Variants in UPF3A observed in about 807,000 individuals in gnomAD.
The protein encoded by UPF3A is regulator of nonsense transcripts 3A.
In UPF3A, 42 loss-of-function variants were observed where a neutral mutation model predicts 53.5. The observed-to-expected ratio is 0.78, with a 90% CI of 0.61 to 1.01. UPF3A has a LOEUF of 1.01. Among genes scored for constraint, UPF3A ranks in the 50% least tolerant of loss-of-function variants. UPF3A has a pLI of 0.00. For synonymous variants in UPF3A, 237 were observed against 225.3 expected, an observed-to-expected ratio of 1.05 and a Z score of -0.47; for missense variants, 575 against 598.0, an observed-to-expected ratio of 0.96 and a Z score of 0.40.
Position 114,303,750 on chromosome 13 carries a change from C to T in UPF3A, c.1303-1039C>T, listed in dbSNP as rs142803029. On this transcript the variant is annotated intron_variant, in intron 9 of 9. Transcript: ENST00000375299. ...GCAGCGAGCCCAGATTGCGCCATTG[C>T]ACTCCAGCCTAGGCAACAAGAGTGT... 7.9e-5 allele frequency among the ~76,000 whole-genome samples: 12 copies of T among 152,276 alleles called. No homozygotes were observed. The East Asian group carries it at 2.3e-3, about 29-fold the overall frequency.
chr13:114,293,070 TCAAAAAAAAAA>T, intron 7 of UPF3A, among the ~76,000 whole-genome samples: 1 of 53,454 alleles, frequency 1.9e-5, no homozygotes, highest in Non-Finnish European at 3.2e-5. Context: ...AGACTCCCTC[TCAAAAAAAAAA>T]AAAAAAAAAA....
In UPF3A at chr13:114,281,666, A is replaced by C; in HGVS notation, c.27A>C (p.Gly9=). MRSEKEGA[G]GLRAAVAARG... ...TGCGCTCGGAAAAGGAGGGGGCCGGAGGCCTTCGGGCGGCCGTTGCCGCGC... is the reference window on the plus strand; with the variant it reads ...TGCGCTCGGAAAAGGAGGGGGCCGGCGGCCTTCGGGCGGCCGTTGCCGCGC... The change falls in exon 1 of 10, where the codon GGA becomes GGC. Residue 9 remains glycine (G), a synonymous_variant. Transcript: ENST00000375299. 7 of 1,523,222 alleles carry C rather than the reference A, an allele frequency of 4.6e-6. No homozygotes were observed. The highest frequency in any genetic ancestry group is 8.8e-7 in the Non-Finnish European group (1 of 1,136,788). The allele number at this position is 1,523,222 out of a possible 1,614,324, so 94.4% of individuals were successfully genotyped here.
intron 5 of UPF3A, among the ~76,000 whole-genome samples, chr13:114,290,880 C>T (rs541346763): frequency 6.6e-5 from 10 of 151,872 alleles, no homozygotes; most frequent in African/African-American, 1.9e-4. Flanking sequence ...ATTATAGGCG[C>T]GTGCCATCAC....
At chr13:114,289,805 C>G (rs971122770) in intron 5 of UPF3A, among the ~76,000 whole-genome samples, 1 of 152,174 alleles carries the variant, frequency 6.6e-6, no homozygotes, top group Non-Finnish European at 1.5e-5. Context: ...TGATAAATAA[C>G]ATACTTTTAT....
rs1392862626 is a variant in UPF3A, at chr13:114,301,810, G to A, written c.1087G>A (p.Val363Met). The A allele has an allele frequency of 6.2e-7, 1 of 1,613,940 alleles. No individual in the cohort carries two copies. Among genetic ancestry groups the A allele is most frequent in the East Asian group, 2.2e-5 (1 of 44,882 alleles). ...AGAATCTGAAGCACAAAGATACCAT[G>A]TGGATGACGGCAGGAGGCACAGAGC... is the stretch of plus-strand genomic sequence containing the variant. ...EQESEAQRYH[V>M]DDGRRHRAHH... Residue 363 changes from valine (V) to methionine (M), a missense_variant, in exon 9 of 10, where the codon GTG becomes ATG. Val to Met is a conservative substitution (Grantham distance 21). Around this residue, in one of 2 missense-constraint regions of UPF3A, gnomAD observed 323 missense variants for 415.2 expected, o/e 0.78. Transcript: ENST00000375299.
In UPF3A at chr13:114,296,350, C is replaced by T. The variant is rs750259983; in HGVS notation, c.847-2490C>T. Among the ~76,000 whole-genome samples the T allele has an allele frequency of 1.3e-5, 2 of 152,074 alleles. 1 individual carries two copies. Among genetic ancestry groups the T allele is most frequent in the Non-Finnish European group, 2.9e-5 (2 of 68,018 alleles). On this transcript the variant is annotated intron_variant, in intron 7 of 9. Coordinates refer to ENST00000375299, the MANE Select transcript of UPF3A (RefSeq NM_023011.4). ...TGAGCCGAGATCGCGTCACTGCAGT[C>T]TAGCTTGGGTGACAGAGCAAGACTC...
chr13:114,301,932 C>T lies in UPF3A; in HGVS notation c.1209C>T (p.Asp403=), dbSNP rs776064998. 2.5e-6 allele frequency: 4 copies of T among 1,610,754 alleles called. No individual in the cohort carries two copies. Among genetic ancestry groups the T allele is most frequent in the Non-Finnish European group, 3.4e-6 (4 of 1,178,482 alleles). Reference sequence around the variant, plus strand: ...ACAGAGGGAAGAAGGGGAGCCAGGACAGCGGGGCTCCGGGGGAGGCCATGG... The same window carrying T: ...ACAGAGGGAAGAAGGGGAGCCAGGATAGCGGGGCTCCGGGGGAGGCCATGG... ...GQDRGKKGSQ[D]SGAPGEAMER... is the part of the protein sequence containing the mutation. The change falls in exon 9 of 10, where the codon GAC becomes GAT. Residue 403 remains aspartate, a synonymous_variant. Coordinates refer to ENST00000375299, the MANE Select transcript of UPF3A (RefSeq NM_023011.4).
chr13:114,287,792 C>G (rs183916507), intron 5 of UPF3A, among the ~76,000 whole-genome samples: 182 of 152,010 alleles, frequency 1.2e-3, no homozygotes, highest in Non-Finnish European at 2.2e-3. Context: ...TGAAATAGTC[C>G]GTTCACTTTC....
chr13:114,291,394 TC>T (rs1467933085), intron 5 of UPF3A, 94 bp from the exon 6 acceptor site: 3 of 1,184,812 alleles, frequency 2.5e-6, no homozygotes, highest in East Asian at 2.7e-5. Context: ...ATGATATGGT[TC>T]CCGTATTTAT....
intron 9 of UPF3A, among the ~76,000 whole-genome samples, chr13:114,303,307 T>C (rs1280145887): frequency 2.0e-5 from 3 of 152,158 alleles, no homozygotes; most frequent in African/African-American, 7.2e-5. Context: ...CAGTGGTGAA[T>C]GGCCTGGTGT....
At chr13:114,293,027 G>A (rs557308630) in intron 7 of UPF3A, among the ~76,000 whole-genome samples, 87 of 141,698 alleles carry the variant, frequency 6.1e-4, no homozygotes, top group African/African-American at 2.3e-3. Context: ...AGCCGAGATC[G>A]CGCCATTGCA....
chr13:114,284,357 A>T (rs1055582033), intron 3 of UPF3A, among the ~76,000 whole-genome samples: 2 of 146,852 alleles, frequency 1.4e-5, no homozygotes, highest in Non-Finnish European at 3.0e-5. Context: ...GCAAAAAAAT[A>T]TGTATGTGTA....
chr13:114,288,075 G>C (rs796856708), intron 5 of UPF3A, among the ~76,000 whole-genome samples: 9 of 152,342 alleles, frequency 5.9e-5, no homozygotes, highest in African/African-American at 2.2e-4. Flanking sequence ...AAAGTACTGG[G>C]ATTACAGGCG....
chr13:114,295,277 C>T (rs924572262), intron 7 of UPF3A, among the ~76,000 whole-genome samples: 21 of 151,118 alleles, frequency 1.4e-4, no homozygotes, highest in South Asian at 8.3e-4. Context: ...GCTTGGCCTC[C>T]GGAAGCCTTG....
chr13:114,289,384 C>A (rs937070862), intron 5 of UPF3A, among the ~76,000 whole-genome samples: 1 of 151,922 alleles, frequency 6.6e-6, no homozygotes, highest in Non-Finnish European at 1.5e-5. Context: ...ATTAGCTGGG[C>A]GTGGTAGCAT....
chr13:114,282,458 G>C (rs2084193422), intron 2 of UPF3A: 1 of 985,244 alleles, frequency 1.0e-6, no homozygotes, highest in Admixed American at 6.2e-5. Flanking sequence ...GCGGGGCCGG[G>C]GGGCGCCGGC....
At chr13:114,284,379 GTA>G (rs981198768) in intron 3 of UPF3A, among the ~76,000 whole-genome samples, 21 of 131,372 alleles carry the variant, frequency 1.6e-4, no homozygotes, top group Admixed American at 6.4e-4. Flanking sequence ...GTACGTGTAT[GTA>G]TATGTGTGTG....
chr13:114,286,245 C>G (rs144552748), intron 3 of UPF3A, 57 bp from the exon 4 acceptor site: 19 of 1,598,020 alleles, frequency 1.2e-5, no homozygotes, highest in Non-Finnish European at 1.5e-5. Flanking sequence ...CATTATTTTC[C>G]GAAATGAATG....
intron 7 of UPF3A, among the ~76,000 whole-genome samples, chr13:114,294,542 C>T (rs184725845): frequency 2.1e-4 from 32 of 152,332 alleles, no homozygotes; most frequent in Admixed American, 2.0e-4. Flanking sequence ...AGCCACCGTG[C>T]GTAGCACTCA....
Sources: gnomAD v4.1 joint callset for allele counts (sites outside exome capture counted in the v4.1 genomes callset) on GRCh38, gnomAD v4.1.1 for gene constraint, gnomAD v4.1.1 regional missense constraint, MANE v1.5 for transcripts, NCBI Gene and HGNC (gene_info 2026-07-23, HGNC 2026-07-21) for gene names.